Variants in COL24A1 observed in about 807,000 individuals in gnomAD.
COL24A1 encodes collagen alpha-1(XXIV) chain.
In COL24A1, 224 loss-of-function variants were observed where a neutral mutation model predicts 253.9. That is an observed-to-expected ratio of 0.88 (90% CI 0.79 to 0.99). The LOEUF is 0.99. COL24A1 is among the 50% of genes least tolerant of loss of function. COL24A1 has a pLI of 0.00. For missense variants in COL24A1, 2,131 were observed against 2,068.5 expected, an observed-to-expected ratio of 1.03 and a Z score of -0.59; for synonymous variants, 685 against 673.7, an observed-to-expected ratio of 1.02 and a Z score of -0.26.
intron 24 of COL24A1, among the ~76,000 whole-genome samples, chr1:85,919,837 T>A (rs1305660782): frequency 6.6e-6 from 1 of 152,192 alleles, no homozygotes. Flanking sequence ...AATATTTAGG[T>A]TTACTTATTA....
At chr1:85,983,921 A>C (rs970475393) in intron 20 of COL24A1, among the ~76,000 whole-genome samples, 4 of 151,880 alleles carry the variant, frequency 2.6e-5, no homozygotes, top group African/African-American at 7.2e-5. Context: ...TGTGTATAAC[A>C]TCAATTAGTC....
chr1:85,871,387 C>G (rs1680467693), intron 35 of COL24A1, among the ~76,000 whole-genome samples: 1 of 151,950 alleles, frequency 6.6e-6, no homozygotes, highest in Non-Finnish European at 1.5e-5. Context: ...GGCAGAGACA[C>G]AACAAAAAAA....
intron 7 of COL24A1, among the ~76,000 whole-genome samples, chr1:86,088,452 T>C (rs1382619784): frequency 2.0e-5 from 3 of 152,174 alleles, no homozygotes; most frequent in African/African-American, 7.2e-5. Context: ...AGAAAATCAA[T>C]AACTTAGTGT....
At chr1:86,041,962 T>G (rs1319423998) in intron 12 of COL24A1, among the ~76,000 whole-genome samples, 1 of 152,046 alleles carries the variant, frequency 6.6e-6, no homozygotes, top group Non-Finnish European at 1.5e-5. Context: ...ACAGTTAGTT[T>G]TATTGAAGGC....
intron 25 of COL24A1, 143 bp downstream of exon 25, chr1:85,911,237 C>T (rs138804340): frequency 1.6e-6 from 1 of 638,348 alleles, no homozygotes; most frequent in African/African-American, 1.9e-5. Flanking sequence ...AGCTATATTT[C>T]AATATATTTA....
At chr1:86,042,460 T>C (rs549008680) in intron 12 of COL24A1, among the ~76,000 whole-genome samples, 1 of 152,140 alleles carries the variant, frequency 6.6e-6, no homozygotes. Context: ...AAATAAGATT[T>C]AAGTGGAAAT....
At chr1:86,068,053 A>G (rs1373105817) in intron 7 of COL24A1, among the ~76,000 whole-genome samples, 2 of 152,252 alleles carry the variant, frequency 1.3e-5, no homozygotes, top group Non-Finnish European at 2.9e-5. Context: ...TTTTGTTGTA[A>G]TATAAAATCA....
Position 85,816,871 on chromosome 1 carries a change from T to C in COL24A1, c.3868A>G (p.Lys1290Glu). The change falls in exon 47 of 60, where the codon AAA becomes GAA. Residue 1290 changes from lysine (K) to glutamate (E), a missense_variant. By Grantham distance (56) the Lys-to-Glu change is moderately conservative. Coordinates refer to ENST00000370571, the MANE Select transcript of COL24A1 (RefSeq NM_152890.7). ...IPGLQGLLGP[K>E]GIQGYHGADG... ...GCTCCATGGTATCCTTGTATGCCTT[T>C]TGGCCCAAGTAGGCCTTGAAGTCCC... 6.2e-7 allele frequency: 1 copy of C among 1,614,032 alleles called. No homozygotes were observed. The highest frequency in any genetic ancestry group is 8.5e-7 in the Non-Finnish European group (1 of 1,179,900).
intron 2 of COL24A1, among the ~76,000 whole-genome samples, chr1:86,144,272 T>A (rs1053595236): frequency 2.0e-5 from 3 of 152,126 alleles, no homozygotes; most frequent in Admixed American, 2.0e-4. Flanking sequence ...TTTCATTTAT[T>A]CCTTTTGTTG....
intron 24 of COL24A1, among the ~76,000 whole-genome samples, chr1:85,923,492 A>C (rs1176835563): frequency 6.6e-6 from 1 of 152,254 alleles, no homozygotes; most frequent in Non-Finnish European, 1.5e-5. Context: ...AGTGCAATCA[A>C]ATTAGAACTC....
At chr1:85,764,493 CACACACACACA>C (rs1171445472) in intron 53 of COL24A1, among the ~76,000 whole-genome samples, 1 of 149,566 alleles carries the variant, frequency 6.7e-6, no homozygotes, top group Non-Finnish European at 1.5e-5. Flanking sequence ...CACACACACA[CACACACACACA>C]CCATATTCCT....
intron 28 of COL24A1, among the ~76,000 whole-genome samples, chr1:85,902,973 T>C (rs1284613868): frequency 6.6e-6 from 1 of 152,180 alleles, no homozygotes; most frequent in African/African-American, 2.4e-5. Context: ...CTAAATACCC[T>C]GACTTGCTTA....
At position 85,783,462 on chromosome 1, in the gene COL24A1, C is replaced by T. The variant is rs763941474; in HGVS notation, c.4284+34G>A. 3.4e-5 allele frequency: 54 copies of T among 1,598,036 alleles called. No homozygotes were observed. The South Asian group carries it at 3.4e-4, about 10-fold the overall frequency. ...AAGCCCTGCAGTAAGCAAAGAACCA[C>T]AATTTCTGGTAGGCAGAATGACTTT... On this transcript the variant is annotated intron_variant, in intron 51 of 59. Transcript: ENST00000370571.
chr1:86,113,950 A>C (rs1043604086), intron 4 of COL24A1, among the ~76,000 whole-genome samples: 1 of 151,838 alleles, frequency 6.6e-6, no homozygotes, highest in Non-Finnish European at 1.5e-5. Context: ...GAAAACATCT[A>C]TGGGGATTAA....
At chr1:85,760,811 A>G (rs1417628121) in intron 55 of COL24A1, among the ~76,000 whole-genome samples, 1 of 152,170 alleles carries the variant, frequency 6.6e-6, no homozygotes, top group Non-Finnish European at 1.5e-5. Context: ...ACTGCGGAAT[A>G]TGAGAGTGGA....
intron 10 of COL24A1, among the ~76,000 whole-genome samples, chr1:86,053,741 G>C (rs960920692): frequency 3.3e-5 from 5 of 152,012 alleles, no homozygotes; most frequent in Admixed American, 1.3e-4. Context: ...ATTATGATGT[G>C]TTTTAAACAT....
At chr1:86,153,038 G>A (rs1652988151) in intron 1 of COL24A1, among the ~76,000 whole-genome samples, 1 of 152,064 alleles carries the variant, frequency 6.6e-6, no homozygotes, top group Admixed American at 6.5e-5. Flanking sequence ...CCTAGAATGT[G>A]TACTCCAACC....
At chr1:85,879,195 A>G (rs1681537067) in intron 32 of COL24A1, among the ~76,000 whole-genome samples, 1 of 150,556 alleles carries the variant, frequency 6.6e-6, no homozygotes, top group South Asian at 2.1e-4. Flanking sequence ...TTTATATTTT[A>G]GGAGTTTTAT....
intron 3 of COL24A1, 34 bp from the exon 4 acceptor site, chr1:86,115,412 T>C (rs1401781041): frequency 1.9e-6 from 3 of 1,586,536 alleles, no homozygotes; most frequent in Non-Finnish European, 2.6e-6. Flanking sequence ...TTAGGCATGA[T>C]AGTGGACACA....
Sources: allele counts gnomAD v4.1 joint callset (sites outside exome capture counted in the v4.1 genomes callset), GRCh38; gene constraint gnomAD v4.1.1; transcripts MANE v1.5; gene names NCBI Gene and HGNC (gene_info 2026-07-23, HGNC 2026-07-21).